The following PPFIA2 variants were observed in gnomAD, a reference collection of about 807,000 sequenced individuals.
The protein encoded by PPFIA2 is liprin-alpha-2.
Under a neutral mutation model 175.5 loss-of-function variants are expected in PPFIA2, and 46 were observed. The observed-to-expected ratio is 0.26, with a 90% CI of 0.21 to 0.34. The LOEUF is 0.34. Among genes scored for constraint, PPFIA2 ranks in the 10% least tolerant of loss-of-function variants. PPFIA2 has a pLI of 1.00. For synonymous variants in PPFIA2, 568 were observed against 511.4 expected, an observed-to-expected ratio of 1.11 and a Z score of -1.49; for missense variants, 1,179 against 1,506.1, an observed-to-expected ratio of 0.78 and a Z score of 3.60.
chr12:81,319,307 T>A (rs2053148022), intron 22 of PPFIA2, among the ~76,000 whole-genome samples: 1 of 151,770 alleles, frequency 6.6e-6, no homozygotes, highest in African/African-American at 2.4e-5. Context: ...ACTAACAAAT[T>A]TCAGTGCATT....
chr12:81,340,326 T>G (rs912252009), intron 20 of PPFIA2, among the ~76,000 whole-genome samples: 1 of 152,084 alleles, frequency 6.6e-6, no homozygotes, highest in Admixed American at 6.6e-5. Flanking sequence ...AGATAGATAT[T>G]TTTATTGAAG....
chr12:81,352,136 A>G lies in PPFIA2; in HGVS notation c.1994+983T>C, dbSNP rs546667168. ...TTCATAGGCCGAAGCTGTAAAGGCC[A>G]AAGTGACTGTATTTGAAAATAGGAT... On this transcript the variant is annotated intron_variant, in intron 17 of 32. Transcript: ENST00000549396. 3.3e-4 allele frequency among the ~76,000 whole-genome samples: 50 copies of G among 152,198 alleles called. 1 individual carries two copies. The South Asian group carries it at 7.7e-3, about 23-fold the overall frequency.
chr12:81,498,371 T>C (rs2060246489), intron 4 of PPFIA2, among the ~76,000 whole-genome samples: 1 of 152,200 alleles, frequency 6.6e-6, no homozygotes, highest in African/African-American at 2.4e-5. Flanking sequence ...GTCTCCTTAG[T>C]CTCATCTAAT....
chr12:81,341,238 AC>A, intron 19 of PPFIA2, 30 bp from the exon 20 acceptor site: 1 of 1,597,182 alleles, frequency 6.3e-7, no homozygotes, highest in Non-Finnish European at 8.5e-7. Flanking sequence ...ATTCAAATAA[AC>A]CCTTTCTAAA....
chr12:81,636,466 T>C (rs7958616), intron 4 of PPFIA2, among the ~76,000 whole-genome samples: 76,228 of 148,462 alleles, frequency 0.51, 20,432 homozygotes, highest in Middle Eastern at 0.6. Flanking sequence ...GGGGTTTCAC[T>C]GTGTTAGCCA....
intron 17 of PPFIA2, among the ~76,000 whole-genome samples, chr12:81,351,457 GAAAAATGTATTTTCACTGATGTAAGAAT>G (rs2059986291): frequency 6.6e-6 from 1 of 151,936 alleles, no homozygotes; most frequent in Non-Finnish European, 1.5e-5. Context: ...ATTAATATGT[GAAAAATGTATTTTCACTGATGTAAGAAT>G]ATTAATCATA....
At chr12:81,703,472 T>C (rs923586538) in intron 3 of PPFIA2, among the ~76,000 whole-genome samples, 12 of 152,122 alleles carry the variant, frequency 7.9e-5, no homozygotes, top group African/African-American at 2.4e-4. Context: ...GTATAGCATC[T>C]TCTTTTCATC....
At chr12:81,524,550 C>T (rs1275109788) in intron 4 of PPFIA2, among the ~76,000 whole-genome samples, 1 of 152,164 alleles carries the variant, frequency 6.6e-6, no homozygotes, top group Non-Finnish European at 1.5e-5. Flanking sequence ...TTTGGAAGCA[C>T]ATAATTTGTT....
intron 7 of PPFIA2, among the ~76,000 whole-genome samples, chr12:81,437,946 TC>T (rs1300102644): frequency 6.6e-6 from 1 of 151,162 alleles, no homozygotes; most frequent in Non-Finnish European, 1.5e-5. Context: ...TTTTTTTTTT[TC>T]CCCCAAACCA....
At chr12:81,707,358 G>A (rs911012941) in intron 3 of PPFIA2, among the ~76,000 whole-genome samples, 19 of 152,162 alleles carry the variant, frequency 1.2e-4, no homozygotes, top group African/African-American at 2.4e-4. Context: ...AAAAGTGGGC[G>A]AAGGACATGA....
chr12:81,593,345 C>T (rs2058890228), intron 4 of PPFIA2, among the ~76,000 whole-genome samples: 2 of 152,110 alleles, frequency 1.3e-5, no homozygotes, highest in Non-Finnish European at 2.9e-5. Flanking sequence ...AATAATCTTA[C>T]TTTGTGTGGT....
At chr12:81,575,606 G>A (rs1291130442) in intron 4 of PPFIA2, among the ~76,000 whole-genome samples, 1 of 151,374 alleles carries the variant, frequency 6.6e-6, no homozygotes, top group East Asian at 1.9e-4. Context: ...CATTCAAAAA[G>A]AGAAAAAACA....
intron 22 of PPFIA2, among the ~76,000 whole-genome samples, chr12:81,325,549 G>A (rs973998423): frequency 3.9e-5 from 6 of 152,052 alleles, no homozygotes; most frequent in African/African-American, 9.7e-5. Context: ...GGATGGTTAC[G>A]TTGAAGAAAC....
Position 81,458,589 on chromosome 12 carries a change from A to G in PPFIA2, c.304-723T>C, listed in dbSNP as rs1276154871. Among the ~76,000 whole-genome samples the G allele has an allele frequency of 2.0e-5, 3 of 152,074 alleles. No individual in the cohort carries two copies. The East Asian group carries it at 5.8e-4, about 29-fold the overall frequency. On this transcript the variant is annotated intron_variant, in intron 4 of 32. Coordinates refer to ENST00000549396, the MANE Select transcript of PPFIA2 (RefSeq NM_003625.5). ...CAAAAAAATTGGGGATTCTGGAGTA[A>G]TTCTGTCTTCATGTGGTTAATGACA... is the stretch of plus-strand genomic sequence containing the variant.
intron 4 of PPFIA2, among the ~76,000 whole-genome samples, chr12:81,607,164 G>A (rs990361732): frequency 5.9e-5 from 9 of 151,838 alleles, no homozygotes; most frequent in Admixed American, 5.9e-4. Flanking sequence ...CTGTTCTATT[G>A]GTTTATGTGT....
chr12:81,738,934 A>T (rs114723844), intron 3 of PPFIA2, among the ~76,000 whole-genome samples: 3,690 of 152,008 alleles, frequency 0.024, 93 homozygotes, highest in East Asian at 0.076. Flanking sequence ...CTCTAATACT[A>T]TTACTACTAG....
chr12:81,481,015 C>A (rs2058147044), intron 4 of PPFIA2, among the ~76,000 whole-genome samples: 1 of 152,128 alleles, frequency 6.6e-6, no homozygotes, highest in Non-Finnish European at 1.5e-5. Context: ...AAAAAATCTC[C>A]CGAAGCTGAT....
At chr12:81,386,886 AT>A (rs553197602) in intron 8 of PPFIA2, among the ~76,000 whole-genome samples, 93 of 152,192 alleles carry the variant, frequency 6.1e-4, no homozygotes, top group Non-Finnish European at 1.2e-3. Flanking sequence ...TGTAATGCAA[AT>A]TTTTTTAATA....
rs2153557039 is a variant in PPFIA2, at chr12:81,665,999, C to A, written c.303+10792G>T. Among the ~76,000 whole-genome samples, 3 of 152,228 alleles carry A rather than the reference C, an allele frequency of 2.0e-5. No individual in the cohort carries two copies. The East Asian group carries it at 5.8e-4, about 29-fold the overall frequency. ...AGAAGACATTTATGCAGCCAAAAAA[C>A]ACATGAAAAAATGCTCATCATCACT... On this transcript the variant is annotated intron_variant, in intron 4 of 32. Transcript: ENST00000549396.
Sources: gnomAD v4.1 joint callset for allele counts (sites outside exome capture counted in the v4.1 genomes callset) on GRCh38, gnomAD v4.1.1 for gene constraint, MANE v1.5 for transcripts, NCBI Gene and HGNC (gene_info 2026-07-23, HGNC 2026-07-21) for gene names.